Variants in IQSEC1 observed in about 807,000 individuals in gnomAD.
IQSEC1 encodes the protein IQ motif and Sec7 domain ArfGEF 1.
A neutral mutation model predicts 91.0 loss-of-function variants in IQSEC1; 31 were observed. The ratio of observed to expected loss-of-function variants is 0.34; its 90% confidence interval spans 0.26 to 0.46. The LOEUF (loss-of-function observed/expected upper bound fraction) is 0.46, where lower values mean the gene tolerates loss of function less well. IQSEC1 is among the 20% of genes least tolerant of loss of function. IQSEC1 has a pLI of 1.00. For missense variants in IQSEC1, 1,388 were observed against 1,575.6 expected, an observed-to-expected ratio of 0.88 and a Z score of 2.02; for synonymous variants, 699 against 662.6, an observed-to-expected ratio of 1.05 and a Z score of -0.84.
At chr3:13,014,799 C>T (rs980899566) in intron 1 of IQSEC1, among the ~76,000 whole-genome samples, 4 of 152,150 alleles carry the variant, frequency 2.6e-5, no homozygotes, top group South Asian at 2.1e-4. Context: ...TCCCCCAACA[C>T]GCTCCCAGCC....
intron 2 of IQSEC1, among the ~76,000 whole-genome samples, chr3:13,133,665 T>C (rs565538921): frequency 1.2e-4 from 18 of 152,300 alleles, no homozygotes; most frequent in Non-Finnish European, 2.1e-4. Context: ...AGCAAACTAG[T>C]TCAAGGTAAT....
intron 1 of IQSEC1, among the ~76,000 whole-genome samples, chr3:13,015,224 G>A (rs1330179369): frequency 6.6e-6 from 1 of 152,174 alleles, no homozygotes; most frequent in Non-Finnish European, 1.5e-5. Context: ...CTTTCTCAGG[G>A]TGGTTGTGAG....
At chr3:13,053,212 G>A (rs765830009) in intron 1 of IQSEC1, 44 of 657,654 alleles carry the variant, frequency 6.7e-5, no homozygotes, top group Non-Finnish European at 1.2e-4. Flanking sequence ...CCCTGTTGGG[G>A]ATGCTGCGAC....
intron 1 of IQSEC1, chr3:13,015,644 G>A (rs56102901): frequency 0.14 from 142,015 of 985,116 alleles, 11,238 homozygotes; most frequent in East Asian, 0.35. Context: ...CTGCGGCCCC[G>A]GGGGATGAGC....
At chr3:13,182,916 G>A (rs541459069) in intron 1 of IQSEC1, among the ~76,000 whole-genome samples, 123 of 152,310 alleles carry the variant, frequency 8.1e-4, no homozygotes, top group African/African-American at 2.9e-3. Flanking sequence ...TGTAATCCCA[G>A]CAGTTTGGGA....
At chr3:13,127,442 C>CA (rs879741910) in intron 2 of IQSEC1, among the ~76,000 whole-genome samples, 11,678 of 128,438 alleles carry the variant, frequency 0.091, 1,365 homozygotes, top group African/African-American at 0.3. Flanking sequence ...AACAAACAAA[C>CA]AAAAAAAAAA....
chr3:13,010,241 C>T (rs1416458138), intron 1 of IQSEC1, among the ~76,000 whole-genome samples: 1 of 152,216 alleles, frequency 6.6e-6, no homozygotes, highest in African/African-American at 2.4e-5. Context: ...TCTGCCTGAC[C>T]AGCCTCCATT....
intron 2 of IQSEC1, among the ~76,000 whole-genome samples, chr3:13,107,452 T>C (rs1203086056): frequency 6.6e-6 from 1 of 152,222 alleles, no homozygotes; most frequent in East Asian, 1.9e-4. Context: ...CCAGTACCAG[T>C]TCTGGCAAGT....
At chr3:13,158,416 G>T (rs1707116978) in intron 2 of IQSEC1, among the ~76,000 whole-genome samples, 1 of 152,208 alleles carries the variant, frequency 6.6e-6, no homozygotes, top group Non-Finnish European at 1.5e-5. Context: ...AATTACAAAG[G>T]CTGCTTTGCC....
rs111894704 is a variant in IQSEC1, at chr3:12,955,046, G to A, written c.24-13181C>T. Reference sequence around the variant, plus strand: ...GGCTCAACAGTCACATAGCTGATGCGCAGCCCAGCCTGGCAGAGCCCCGTG... The same window carrying A: ...GGCTCAACAGTCACATAGCTGATGCACAGCCCAGCCTGGCAGAGCCCCGTG... On this transcript the variant is annotated intron_variant, in intron 1 of 13. Coordinates refer to ENST00000613206, the MANE Select transcript of IQSEC1 (RefSeq NM_001134382.3). Among the ~76,000 whole-genome samples, 918 of 152,346 alleles carry A rather than the reference G, an allele frequency of 6.0e-3. 7 individuals are homozygous for A. The highest frequency in any genetic ancestry group is 0.019 in the African/African-American group (800 of 41,578).
intron 1 of IQSEC1, among the ~76,000 whole-genome samples, chr3:13,045,473 C>A (rs1257037241): frequency 1.3e-5 from 2 of 152,136 alleles, no homozygotes; most frequent in African/African-American, 2.4e-5. Flanking sequence ...CTCCTACGGC[C>A]TCCGCTCTGA....
intron 1 of IQSEC1, among the ~76,000 whole-genome samples, chr3:13,000,445 G>T (rs1482362196): frequency 1.3e-5 from 2 of 152,174 alleles, no homozygotes; most frequent in Non-Finnish European, 2.9e-5. Context: ...GTGGGGCCAG[G>T]TACAGAGCAG....
At chr3:13,099,594 T>C (rs1361809251) in intron 2 of IQSEC1, among the ~76,000 whole-genome samples, 1 of 152,046 alleles carries the variant, frequency 6.6e-6, no homozygotes, top group Non-Finnish European at 1.5e-5. Flanking sequence ...TGTGCAAGAA[T>C]CAAACAGACA....
At chr3:13,061,810 C>A (rs1705077382) in intron 1 of IQSEC1, among the ~76,000 whole-genome samples, 1 of 152,164 alleles carries the variant, frequency 6.6e-6, no homozygotes, top group Admixed American at 6.5e-5. Context: ...TCCCAACAAA[C>A]ACACACATTT....
At chr3:12,928,170 G>A (rs1211269081) in intron 3 of IQSEC1, among the ~76,000 whole-genome samples, 1 of 152,036 alleles carries the variant, frequency 6.6e-6, no homozygotes, top group Non-Finnish European at 1.5e-5. Context: ...GGAGGGGGCC[G>A]GGTTGAGGAC....
At chr3:13,201,563 C>T (rs774307042) in intron 1 of IQSEC1, among the ~76,000 whole-genome samples, 2 of 152,124 alleles carry the variant, frequency 1.3e-5, no homozygotes, top group African/African-American at 2.4e-5. Flanking sequence ...AGGCTGGTCT[C>T]GAACTCCCAG....
chr3:12,915,175 C>T lies in IQSEC1; in HGVS notation c.2161-42G>A, dbSNP rs571174728. The T allele has an allele frequency of 9.4e-6, 15 of 1,590,302 alleles. No homozygotes were observed. In the South Asian group the frequency reaches 1.7e-4, roughly 18 times the overall value. Reference sequence around the variant, plus strand: ...AACCAACAAAAGGGTGTTCATGTTTCAAAGCCACGCCCAGGCCAATGCTGC... The same window carrying T: ...AACCAACAAAAGGGTGTTCATGTTTTAAAGCCACGCCCAGGCCAATGCTGC... On this transcript the variant is annotated intron_variant, in intron 7 of 13. Transcript: ENST00000613206.
intron 1 of IQSEC1, among the ~76,000 whole-genome samples, chr3:13,173,387 T>G (rs1463968334): frequency 6.6e-6 from 1 of 152,186 alleles, no homozygotes; most frequent in Non-Finnish European, 1.5e-5. Flanking sequence ...CCTCAGCACC[T>G]GCAGCCCGGG....
intron 2 of IQSEC1, among the ~76,000 whole-genome samples, chr3:13,083,050 A>G (rs769573127): frequency 2.6e-5 from 4 of 152,116 alleles, no homozygotes; most frequent in Non-Finnish European, 5.9e-5. Flanking sequence ...ATAATTACAC[A>G]CTGGTTTACT....
Sources: allele counts gnomAD v4.1 joint callset (sites outside exome capture counted in the v4.1 genomes callset), GRCh38; gene constraint gnomAD v4.1.1; transcripts MANE v1.5; gene names NCBI Gene and HGNC (gene_info 2026-07-23, HGNC 2026-07-21).